The following FYB1 variants were observed in gnomAD, a reference collection of about 807,000 sequenced individuals.
FYB1 encodes the protein FYN-binding protein 1.
FYB1 carries 41 observed loss-of-function variants against 94.1 expected under a neutral mutation model. That is an observed-to-expected ratio of 0.44 (90% CI 0.34 to 0.57). The LOEUF (loss-of-function observed/expected upper bound fraction) is 0.57. Among genes scored for constraint, FYB1 ranks in the 20% least tolerant of loss-of-function variants. The pLI is 0.02. For missense variants in FYB1, 1,050 were observed against 976.8 expected, an observed-to-expected ratio of 1.07 and a Z score of -1.00; for synonymous variants, 367 against 353.2, an observed-to-expected ratio of 1.04 and a Z score of -0.44.
upstream of FYB1, among the ~76,000 whole-genome samples, chr5:39,219,892 C>T (rs1048540663): frequency 6.6e-6 from 1 of 152,070 alleles, no homozygotes; most frequent in African/African-American, 2.4e-5. Flanking sequence ...CAATGGGGGC[C>T]AAAGGGGGAT....
chr5:39,153,489 TGGGA>T lies in FYB1; in HGVS notation c.1247_1250del (p.Val416GlufsTer14). The stretch of plus-strand genomic sequence containing the variant: ...GTTTAATGTTTCTGGGAGGTAGGCT[TGGGA>T]CTGGTGGTTGTGATGGGTGAGATGC... On this transcript the variant is annotated frameshift_variant, in exon 3 of 19. Transcript: ENST00000512982. LOFTEE classifies it high-confidence loss of function. 6.2e-7 allele frequency: 1 copy of T among 1,613,936 alleles called. No individual in the cohort carries two copies. Among genetic ancestry groups the T allele is most frequent in the Non-Finnish European group, 8.5e-7 (1 of 1,179,870 alleles).
At chr5:39,132,636 G>T (rs1434499405) in intron 9 of FYB1, among the ~76,000 whole-genome samples, 2 of 151,680 alleles carry the variant, frequency 1.3e-5, no homozygotes, top group Non-Finnish European at 1.5e-5. Context: ...TGCTAGTTTT[G>T]GGAAATATTC....
At chr5:39,234,800 A>G (rs1750888894) in intron 1 of FYB1, among the ~76,000 whole-genome samples, 2 of 152,240 alleles carry the variant, frequency 1.3e-5, no homozygotes, top group African/African-American at 2.4e-5. Context: ...ACAGAAAACC[A>G]AACACCACAT....
intron 3 of FYB1, among the ~76,000 whole-genome samples, chr5:39,145,103 T>C (rs948845138): frequency 2.6e-5 from 4 of 152,198 alleles, no homozygotes; most frequent in African/African-American, 9.7e-5. Flanking sequence ...TTGTCGAAGT[T>C]GGTGAAAGGA....
intron 1 of FYB1, among the ~76,000 whole-genome samples, chr5:39,235,386 C>T (rs1425380712): frequency 6.6e-6 from 1 of 151,664 alleles, no homozygotes; most frequent in Non-Finnish European, 1.5e-5. Flanking sequence ...GAGCACAATT[C>T]AAAAATAAAT....
Position 39,245,902 on chromosome 5 carries a change from G to C in FYB1, c.-28+28501C>G, listed in dbSNP as rs73091217. 3.6e-3 allele frequency among the ~76,000 whole-genome samples: 543 copies of C among 152,236 alleles called. 5 individuals carry two copies. The highest frequency in any genetic ancestry group is 0.013 in the African/African-American group (524 of 41,558). On this transcript the variant is annotated intron_variant, in intron 1 of 1. Coordinates refer to the FYB1 transcript ENST00000510188. The stretch of plus-strand genomic sequence containing the variant: ...GGCATGAGCCACTGCGTCTGGCCTG[G>C]AACAGGCTTTTGTACAGCTTGGTGA...
At chr5:39,191,205 G>A (rs537595368) in intron 2 of FYB1, among the ~76,000 whole-genome samples, 1 of 152,180 alleles carries the variant, frequency 6.6e-6, no homozygotes, top group Non-Finnish European at 1.5e-5. Context: ...CACACAGGTT[G>A]CTTTTGAAAA....
intron 2 of FYB1, among the ~76,000 whole-genome samples, chr5:39,189,354 T>C (rs1309361304): frequency 6.6e-6 from 1 of 151,964 alleles, no homozygotes; most frequent in Admixed American, 6.6e-5. Flanking sequence ...TGCATTGGAA[T>C]TGACCAAATT....
intron 1 of FYB1, among the ~76,000 whole-genome samples, chr5:39,208,143 G>A (rs567065925): frequency 7.9e-5 from 12 of 152,204 alleles, no homozygotes; most frequent in African/African-American, 2.6e-4. Context: ...TCTTTAGAAC[G>A]TTCTTTAAAA....
chr5:39,233,797 G>A (rs1750847125), intron 1 of FYB1, among the ~76,000 whole-genome samples: 1 of 152,106 alleles, frequency 6.6e-6, no homozygotes, highest in Non-Finnish European at 1.5e-5. Context: ...AGTTGGAAAA[G>A]GGAAGGATAT....
chr5:39,175,437 G>A (rs1158386806), intron 2 of FYB1, among the ~76,000 whole-genome samples: 2 of 152,170 alleles, frequency 1.3e-5, no homozygotes, highest in East Asian at 3.9e-4. Context: ...GTATGCCGGT[G>A]TCCAATGGTT....
At chr5:39,181,881 T>C (rs761279960) in intron 2 of FYB1, among the ~76,000 whole-genome samples, 1 of 152,208 alleles carries the variant, frequency 6.6e-6, no homozygotes, top group Non-Finnish European at 1.5e-5. Context: ...TTTTTTTTAA[T>C]TGTGGTAAGA....
upstream of FYB1, among the ~76,000 whole-genome samples, chr5:39,224,418 T>C (rs1247467369): frequency 6.6e-6 from 1 of 152,170 alleles, no homozygotes; most frequent in Non-Finnish European, 1.5e-5. Flanking sequence ...GCTTCGCCAC[T>C]GCTCCAGACA....
chr5:39,130,216 GGTAGAGA>G (rs2150308476), intron 10 of FYB1, among the ~76,000 whole-genome samples: 2 of 152,154 alleles, frequency 1.3e-5, no homozygotes, highest in African/African-American at 4.8e-5. Context: ...GTTTCATGGA[GGTAGAGA>G]GTAGAGTGAT....
chr5:39,240,869 G>A (rs1253674674), intron 1 of FYB1, among the ~76,000 whole-genome samples: 2 of 152,126 alleles, frequency 1.3e-5, no homozygotes, highest in African/African-American at 2.4e-5. Flanking sequence ...ACACATGCAT[G>A]TGTATGTTTA....
At chr5:39,216,017 A>T (rs1194967524) in intron 1 of FYB1, among the ~76,000 whole-genome samples, 2 of 152,122 alleles carry the variant, frequency 1.3e-5, no homozygotes, top group East Asian at 1.9e-4. Context: ...TAGTGATGCA[A>T]CCACAAGCCA....
chr5:39,261,089 C>T (rs1752188132), intron 1 of FYB1, among the ~76,000 whole-genome samples: 4 of 151,936 alleles, frequency 2.6e-5, no homozygotes, highest in Admixed American at 2.6e-4. Flanking sequence ...GAAAACCAAA[C>T]ACTGCATGTT....
intron 1 of FYB1, among the ~76,000 whole-genome samples, chr5:39,249,680 A>G (rs1272479355): frequency 6.6e-6 from 1 of 152,166 alleles, no homozygotes; most frequent in East Asian, 1.9e-4. Context: ...AATGATGTGT[A>G]TGTGTTTGTA....
chr5:39,131,473 A>C (rs967000710), intron 9 of FYB1, among the ~76,000 whole-genome samples: 15 of 152,222 alleles, frequency 9.9e-5, no homozygotes, highest in African/African-American at 3.1e-4. Flanking sequence ...GAGGACAATT[A>C]TATAGTACTC....
Sources: gnomAD v4.1 joint callset for allele counts (sites outside exome capture counted in the v4.1 genomes callset) on GRCh38, gnomAD v4.1.1 for gene constraint, MANE v1.5 for transcripts, NCBI Gene and HGNC (gene_info 2026-07-23, HGNC 2026-07-21) for gene names.